SLC15A1: variants seen among roughly 807,000 people sequenced by gnomAD.
SLC15A1 encodes the protein Caco-2 oligopeptide transporter.
Under a neutral mutation model 92.9 loss-of-function variants are expected in SLC15A1, and 83 were observed. That is an observed-to-expected ratio of 0.89 (90% CI 0.75 to 1.07). SLC15A1 has a LOEUF of 1.07. SLC15A1 is among the 50% of genes least tolerant of loss of function. SLC15A1 has a pLI of 0.00. For missense variants in SLC15A1, 857 were observed against 880.1 expected (o/e 0.97, Z 0.33); for synonymous variants, 322 against 318.2 (o/e 1.01, Z -0.13).
intron 18 of SLC15A1, among the ~76,000 whole-genome samples, chr13:98,697,146 C>T (rs765470208): frequency 8.5e-5 from 13 of 152,184 alleles, no homozygotes; most frequent in Non-Finnish European, 1.6e-4. Flanking sequence ...ACCTCTGCCT[C>T]CTGGGTTCGA....
Position 98,684,545 on chromosome 13 carries a change from CAA to C in SLC15A1, c.*177_*178del, listed in dbSNP as rs4646233. The C allele has an allele frequency of 0.24, 45,868 of 190,284 alleles. 1,256 individuals carry two copies. Among genetic ancestry groups the C allele is most frequent in the African/African-American group, 0.3 (6,597 of 21,636 alleles). The allele number at this position is 190,284 out of a possible 1,614,324, so 11.8% of individuals were successfully genotyped here. A position where few individuals can be genotyped will look rare whatever the true frequency, so the allele number is the denominator to read the frequency against. Reference sequence around the variant, plus strand: ...GGACAACAAGAGCAAAACTCTGTCTCAAAAAAAAAAAAAAAAAAAAAAAGAAA... The same window carrying C: ...GGACAACAAGAGCAAAACTCTGTCTCAAAAAAAAAAAAAAAAAAAAAGAAA... On this transcript the variant is annotated 3_prime_UTR_variant, in exon 23 of 23. Coordinates refer to ENST00000376503, the MANE Select transcript of SLC15A1 (RefSeq NM_005073.4).
rs796824249 is a variant in SLC15A1 at position 98,729,001 on chromosome 13, A to C, written c.5-2142T>G. 9.7e-3 allele frequency among the ~76,000 whole-genome samples: 1,426 copies of C among 146,928 alleles called. 74 individuals carry two copies. The highest frequency in any genetic ancestry group is 0.035 in the South Asian group (160 of 4,624). ...GTAAAAAAAAAAAAAAAAAAAAAAA[A>C]AAAAACAACAAGCCCCAAAACAAAA... On this transcript the variant is annotated intron_variant, in intron 1 of 22. Coordinates refer to ENST00000376503, the MANE Select transcript of SLC15A1 (RefSeq NM_005073.4).
intron 1 of SLC15A1, among the ~76,000 whole-genome samples, chr13:98,741,056 G>A (rs961858663): frequency 7.2e-5 from 11 of 151,924 alleles, no homozygotes; most frequent in African/African-American, 1.9e-4. Flanking sequence ...TCCCACCCTC[G>A]GGGACTCTGC....
At chr13:98,726,300 C>T in intron 3 of SLC15A1, 36 bp from the exon 4 acceptor site, 1 of 1,613,372 alleles carries the variant, frequency 6.2e-7, no homozygotes, top group Non-Finnish European at 8.5e-7. Context: ...GAGGGGGAAA[C>T]AAAGTTAGGA....
chr13:98,748,349 G>A (rs1405327217), intron 1 of SLC15A1, among the ~76,000 whole-genome samples: 2 of 152,180 alleles, frequency 1.3e-5, no homozygotes, highest in African/African-American at 4.8e-5. Flanking sequence ...GGAGCACAGT[G>A]GAGCAATCTT....
intron 1 of SLC15A1, among the ~76,000 whole-genome samples, chr13:98,736,089 C>G (rs2088391760): frequency 6.6e-6 from 1 of 152,196 alleles, no homozygotes; most frequent in South Asian, 2.1e-4. Context: ...TGACTTCAAA[C>G]TATACTAGAA....
intron 4 of SLC15A1, among the ~76,000 whole-genome samples, chr13:98,725,856 G>A (rs1042266848): frequency 6.6e-6 from 1 of 152,106 alleles, no homozygotes; most frequent in Non-Finnish European, 1.5e-5. Flanking sequence ...CTCCCAGCTA[G>A]CTGGGGCCAC....
At chr13:98,731,454 G>C (rs2088350028) in intron 1 of SLC15A1, among the ~76,000 whole-genome samples, 1 of 152,184 alleles carries the variant, frequency 6.6e-6, no homozygotes. Context: ...CTTAGACTTT[G>C]GGTAATATGG....
chr13:98,740,580 T>G (rs1009457914), intron 1 of SLC15A1, among the ~76,000 whole-genome samples: 14 of 152,044 alleles, frequency 9.2e-5, no homozygotes, highest in African/African-American at 3.4e-4. Context: ...AAATCCTCTC[T>G]CCTTTCTCAG....
chr13:98,726,495 G>T (rs1446316200), intron 2 of SLC15A1, 46 bp from the exon 3 acceptor site: 9 of 1,552,192 alleles, frequency 5.8e-6, no homozygotes, highest in South Asian at 4.6e-5. Flanking sequence ...ACCCCCCACT[G>T]GTCCATAGCC....
At chr13:98,725,633 G>T (rs1321909647) in intron 4 of SLC15A1, among the ~76,000 whole-genome samples, 1 of 152,220 alleles carries the variant, frequency 6.6e-6, no homozygotes, top group Non-Finnish European at 1.5e-5. Context: ...GATGCTGCTT[G>T]CAGTCACTAA....
chr13:98,730,448 T>C (rs2088341188), intron 1 of SLC15A1, among the ~76,000 whole-genome samples: 1 of 152,066 alleles, frequency 6.6e-6, no homozygotes. Flanking sequence ...TCCTGCCGAG[T>C]GAGACCTGTC....
intron 1 of SLC15A1, among the ~76,000 whole-genome samples, chr13:98,737,828 G>T (rs1319624273): frequency 1.3e-5 from 2 of 152,186 alleles, no homozygotes; most frequent in African/African-American, 2.4e-5. Flanking sequence ...AATGTGGAGG[G>T]CTCAGAAGAA....
At chr13:98,730,301 G>C (rs1055206227) in intron 1 of SLC15A1, among the ~76,000 whole-genome samples, 3 of 143,974 alleles carry the variant, frequency 2.1e-5, no homozygotes, top group African/African-American at 7.8e-5. Context: ...GGGAGGGGAA[G>C]GGGCATTTTA....
intron 1 of SLC15A1, among the ~76,000 whole-genome samples, chr13:98,729,112 A>C (rs1403467397): frequency 1.3e-5 from 2 of 151,490 alleles, no homozygotes; most frequent in Non-Finnish European, 2.9e-5. Context: ...CCAAATACCC[A>C]GATTTGATAT....
chr13:98,702,479 C>A lies in SLC15A1; in HGVS notation c.1466+1G>T. ...CTTAAATTTTAAAGAAATATACATA[C>A]CTGATTCCATTTTCCCCTTTTTCTG... On this transcript the variant is annotated splice_donor_variant, in intron 18 of 22. Coordinates refer to ENST00000376503, the MANE Select transcript of SLC15A1 (RefSeq NM_005073.4). LOFTEE classifies it high-confidence loss of function. The A allele has an allele frequency of 6.2e-7, 1 of 1,601,186 alleles. No homozygotes were observed. The highest frequency in any genetic ancestry group is 8.6e-7 in the Non-Finnish European group (1 of 1,168,498).
Position 98,692,136 on chromosome 13 carries a change from CTTTTT to C in SLC15A1, c.1467-3564_1467-3560del, listed in dbSNP as rs528865683. Among the ~76,000 whole-genome samples the C allele has an allele frequency of 8.9e-3, 603 of 67,430 alleles. 9 individuals carry two copies. Among genetic ancestry groups the C allele is most frequent in the Non-Finnish European group, 0.015 (492 of 31,842 alleles). 44.2% of individuals were successfully genotyped at this position (67,430 alleles called of 152,430 possible). A position where few individuals can be genotyped will look rare whatever the true frequency, so the allele number is the denominator to read the frequency against. Reference sequence around the variant, plus strand: ...AGGAGTCCCCCTCTCTTCTCCTAAACTTTTTTTTTTTTTTTTTTTTTTTTTTTTTT... The same window carrying C: ...AGGAGTCCCCCTCTCTTCTCCTAAACTTTTTTTTTTTTTTTTTTTTTTTTT... On this transcript the variant is annotated intron_variant, in intron 18 of 22. Transcript: ENST00000376503.
At chr13:98,714,667 A>AG (rs1555323553) in intron 9 of SLC15A1, among the ~76,000 whole-genome samples, 1 of 151,474 alleles carries the variant, frequency 6.6e-6, no homozygotes, top group Non-Finnish European at 1.5e-5. Context: ...AAAAAAAAAA[A>AG]AAAAAGAAAT....
chr13:98,703,766 C>T (rs1018500203), intron 17 of SLC15A1, among the ~76,000 whole-genome samples: 1 of 151,860 alleles, frequency 6.6e-6, no homozygotes, highest in Non-Finnish European at 1.5e-5. Flanking sequence ...CTGCGTTGTC[C>T]AGGCTAGGTT....
Sources: allele counts gnomAD v4.1 joint callset (sites outside exome capture counted in the v4.1 genomes callset), GRCh38; gene constraint gnomAD v4.1.1; transcripts MANE v1.5; gene names NCBI Gene and HGNC (gene_info 2026-07-23, HGNC 2026-07-21).